Variants in SPTSSA observed in about 807,000 individuals in gnomAD.
The protein encoded by SPTSSA is serine palmitoyltransferase small subunit A, also known as small subunit of serine palmitoyltransferase A.
Under a neutral mutation model 9.1 loss-of-function variants are expected in SPTSSA, and 8 were observed. That is an observed-to-expected ratio of 0.88 (90% CI 0.51 to 1.58). SPTSSA has a LOEUF of 1.58. SPTSSA is among the 40% of genes most tolerant of loss of function. The pLI is 0.00. For missense variants in SPTSSA, 100 were observed against 93.8 expected, an observed-to-expected ratio of 1.07 and a Z score of -0.27; for synonymous variants, 42 against 37.7, an observed-to-expected ratio of 1.11 and a Z score of -0.41.
At chr14:34,457,318 G>A (rs903935898) in intron 1 of SPTSSA, among the ~76,000 whole-genome samples, 2 of 151,986 alleles carry the variant, frequency 1.3e-5, no homozygotes, top group African/African-American at 4.8e-5. Context: ...TTATCCAAGT[G>A]AGGTACTTCA....
At chr14:34,457,263 A>G (rs908013550) in intron 1 of SPTSSA, among the ~76,000 whole-genome samples, 1 of 151,906 alleles carries the variant, frequency 6.6e-6, no homozygotes, top group Non-Finnish European at 1.5e-5. Context: ...TATTTTAACA[A>G]TCTATTTTTA....
intron 1 of SPTSSA, among the ~76,000 whole-genome samples, chr14:34,450,157 T>C (rs1409380305): frequency 6.6e-6 from 1 of 152,198 alleles, no homozygotes; most frequent in African/African-American, 2.4e-5. Flanking sequence ...GAGAAGGCAA[T>C]GTAATCCTCA....
At chr14:34,458,751 T>C (rs1009165340) in intron 1 of SPTSSA, among the ~76,000 whole-genome samples, 1 of 150,682 alleles carries the variant, frequency 6.6e-6, no homozygotes, top group Non-Finnish European at 1.5e-5. Context: ...CGGCCAAGAT[T>C]GACTTTCAAT....
chr14:34,446,523 T>C (rs902449962), intron 1 of SPTSSA, among the ~76,000 whole-genome samples: 2 of 152,172 alleles, frequency 1.3e-5, no homozygotes, highest in African/African-American at 4.8e-5. Context: ...AGATAAAAAA[T>C]GAAGGCCCAA....
chr14:34,442,205 C>CT (rs1163578718), intron 1 of SPTSSA, among the ~76,000 whole-genome samples: 12 of 151,886 alleles, frequency 7.9e-5, no homozygotes, highest in African/African-American at 2.9e-4. Flanking sequence ...GCCGTGGACT[C>CT]TTTATCTTTT....
At position 34,433,590 on chromosome 14, in the gene SPTSSA, T is replaced by G. The variant is rs1332107292; in HGVS notation, c.*1611A>C. On this transcript the variant is annotated 3_prime_UTR_variant, in exon 2 of 2. Coordinates refer to ENST00000298130, the MANE Select transcript of SPTSSA (RefSeq NM_138288.4). ...GTGGTATCAATTGGCTCTAAAAATA[T>G]TAAACACATATATATTACTTGAGAC... is the stretch of plus-strand genomic sequence containing the variant. 1 of 152,136 alleles carries G rather than the reference T, an allele frequency of 6.6e-6. No homozygotes were observed. The highest frequency in any genetic ancestry group is 1.5e-5 in the Non-Finnish European group (1 of 68,028). The allele number at this position is 152,136 out of a possible 1,614,324, so 9.4% of individuals were successfully genotyped here. A position where few individuals can be genotyped will look rare whatever the true frequency, so the allele number is the denominator to read the frequency against.
intron 1 of SPTSSA, 74 bp from the exon 2 acceptor site, chr14:34,435,378 T>G: frequency 9.5e-7 from 1 of 1,056,446 alleles, no homozygotes; most frequent in Non-Finnish European, 1.4e-6. Flanking sequence ...TCAACAACTC[T>G]TTTATGCTGA....
At position 34,449,497 on chromosome 14, in the gene SPTSSA, GCCTC is replaced by G. The variant is rs770657504; in HGVS notation, c.112+12595_112+12598del. Among the ~76,000 whole-genome samples the G allele has an allele frequency of 2.2e-3, 273 of 125,044 alleles. 1 individual carries two copies. The highest frequency in any genetic ancestry group is 3.8e-3 in the Non-Finnish European group (229 of 60,214). 82.0% of individuals were successfully genotyped at this position (125,044 alleles called of 152,430 possible). A position where few individuals can be genotyped will look rare whatever the true frequency, so the allele number is the denominator to read the frequency against. ...TTACAGGCGTGAGCCACTGCACCCG[GCCTC>G]CCTTTTTTTTTTTTTTTTTTGAGAC... On this transcript the variant is annotated intron_variant, in intron 1 of 1. Coordinates refer to ENST00000298130, the MANE Select transcript of SPTSSA (RefSeq NM_138288.4).
At chr14:34,439,466 T>C (rs1883286857) in intron 1 of SPTSSA, among the ~76,000 whole-genome samples, 2 of 151,824 alleles carry the variant, frequency 1.3e-5, no homozygotes, top group South Asian at 2.1e-4. Flanking sequence ...AGTAAGACAA[T>C]GTCTCTACCA....
At chr14:34,436,609 A>G (rs1027516488) in intron 1 of SPTSSA, among the ~76,000 whole-genome samples, 5 of 152,234 alleles carry the variant, frequency 3.3e-5, no homozygotes, top group African/African-American at 1.2e-4. Context: ...ACTATCAACT[A>G]ATATTTGTAT....
At chr14:34,450,661 T>C (rs1883503767) in intron 1 of SPTSSA, among the ~76,000 whole-genome samples, 1 of 152,200 alleles carries the variant, frequency 6.6e-6, no homozygotes, top group Non-Finnish European at 1.5e-5. Context: ...GTTTTGTGTT[T>C]ATAACTTGTC....
At chr14:34,456,756 G>T (rs773567133) in intron 1 of SPTSSA, among the ~76,000 whole-genome samples, 2 of 151,472 alleles carry the variant, frequency 1.3e-5, no homozygotes, top group Non-Finnish European at 2.9e-5. Flanking sequence ...AAAATTAGCC[G>T]GGCGTGGTGG....
intron 1 of SPTSSA, among the ~76,000 whole-genome samples, chr14:34,447,132 G>A (rs993041854): frequency 6.7e-6 from 1 of 149,884 alleles, no homozygotes; most frequent in African/African-American, 2.5e-5. Context: ...GCTGAGGCAG[G>A]AGAATCGCTT....
intron 1 of SPTSSA, among the ~76,000 whole-genome samples, chr14:34,451,595 C>A (rs7153479): frequency 7.3e-5 from 11 of 151,580 alleles, no homozygotes; most frequent in South Asian, 4.2e-4. Context: ...CGGTGGCGGG[C>A]GCCTGTAGTC....
At chr14:34,456,802 G>A (rs1878491234) in intron 1 of SPTSSA, among the ~76,000 whole-genome samples, 3 of 151,230 alleles carry the variant, frequency 2.0e-5, no homozygotes. Flanking sequence ...GGGAGGGCAA[G>A]GCGGAACAAT....
chr14:34,462,068 C>G, intron 1 of SPTSSA, 28 bp downstream of exon 1: 1 of 1,351,420 alleles, frequency 7.4e-7, no homozygotes, highest in Non-Finnish European at 9.6e-7. Context: ...CCAGCCCGGC[C>G]CCCGCGCGCG....
At chr14:34,443,250 GT>G (rs1264601229) in intron 1 of SPTSSA, among the ~76,000 whole-genome samples, 2 of 59,490 alleles carry the variant, frequency 3.4e-5, no homozygotes, top group African/African-American at 1.6e-4. Context: ...TTGAGATGGA[GT>G]TTTCCTCTCA....
At chr14:34,438,161 C>T (rs994589310) in intron 1 of SPTSSA, among the ~76,000 whole-genome samples, 2 of 152,104 alleles carry the variant, frequency 1.3e-5, no homozygotes, top group Admixed American at 6.5e-5. Context: ...CGGCTGAAAA[C>T]GTTCCAGATG....
intron 1 of SPTSSA, among the ~76,000 whole-genome samples, chr14:34,445,147 T>C (rs148736676): frequency 2.0e-5 from 3 of 152,166 alleles, no homozygotes; most frequent in South Asian, 2.1e-4. Flanking sequence ...TGTCTAAAAA[T>C]AGTAGAAAAA....
Sources: allele counts gnomAD v4.1 joint callset (sites outside exome capture counted in the v4.1 genomes callset), GRCh38; gene constraint gnomAD v4.1.1; transcripts MANE v1.5; gene names NCBI Gene and HGNC (gene_info 2026-07-23, HGNC 2026-07-21).